The following WWOX variants were observed in gnomAD, a reference collection of about 807,000 sequenced individuals.
The protein encoded by WWOX is WW domain-containing oxidoreductase.
A neutral mutation model predicts 46.2 loss-of-function variants in WWOX; 69 were observed. The observed-to-expected ratio is 1.49, with a 90% CI of 1.23 to 1.82. WWOX has a LOEUF of 1.82. Ranked by LOEUF, WWOX falls within the 40% of genes most tolerant of loss-of-function variation. The probability of loss-of-function intolerance (pLI) is 0.00; values close to 1 mark genes in which losing one functional copy is unlikely to be tolerated. For synonymous variants in WWOX, 359 were observed against 202.6 expected (o/e 1.77, Z -6.56); for missense variants, 919 against 542.6 (o/e 1.69, Z -6.89).
At chr16:78,730,324 C>G (rs185487198) in intron 8 of WWOX, among the ~76,000 whole-genome samples, 15 of 152,140 alleles carry the variant, frequency 9.9e-5, no homozygotes, top group Admixed American at 9.2e-4. Context: ...TGCCTCCTTC[C>G]TTTTCTTCCC....
At chr16:78,179,404 A>G (rs750451329) in intron 5 of WWOX, among the ~76,000 whole-genome samples, 13 of 152,210 alleles carry the variant, frequency 8.5e-5, no homozygotes, top group Non-Finnish European at 1.5e-4. Flanking sequence ...GAGATCATCC[A>G]ACTTAACTTT....
chr16:78,258,707 CAAAAAAAAAAAAA>C (rs11396946), intron 5 of WWOX, among the ~76,000 whole-genome samples: 3 of 69,588 alleles, frequency 4.3e-5, no homozygotes, highest in African/African-American at 1.6e-4. Flanking sequence ...TTCCTCCCTC[CAAAAAAAAAAAAA>C]AAAAAAAAAA....
At chr16:78,503,620 T>G (rs2085123817) in intron 8 of WWOX, 1 of 152,304 alleles carries the variant, frequency 6.6e-6, no homozygotes, top group Admixed American at 6.5e-5. Flanking sequence ...CCATTAGAAA[T>G]AAGATTTCTT....
In WWOX at chr16:78,339,060, A is replaced by G. The variant is rs567355791; in HGVS notation, c.517-47800A>G. On this transcript the variant is annotated intron_variant, in intron 5 of 8. Coordinates refer to ENST00000566780, the MANE Select transcript of WWOX (RefSeq NM_016373.4). Reference sequence around the variant, plus strand: ...AGGTTTTTCAATAAGAAGGAAATTTAGCTTCCTTCTACTTTGGTGCCCCAT... The same window carrying G: ...AGGTTTTTCAATAAGAAGGAAATTTGGCTTCCTTCTACTTTGGTGCCCCAT... 5.8e-5 allele frequency among the ~76,000 whole-genome samples: 7 copies of G among 120,202 alleles called. 1 individual carries two copies. In the East Asian group the frequency reaches 9.7e-4, roughly 17 times the overall value. 78.9% of individuals were successfully genotyped at this position (120,202 alleles called of 152,430 possible).
At chr16:78,366,768 A>G (rs1276186135) in intron 5 of WWOX, among the ~76,000 whole-genome samples, 1 of 152,114 alleles carries the variant, frequency 6.6e-6, no homozygotes, top group Non-Finnish European at 1.5e-5. Context: ...GTTCTAGAGG[A>G]TTCGTGGTCA....
At chr16:78,191,544 T>C (rs1467626193) in intron 5 of WWOX, among the ~76,000 whole-genome samples, 2 of 152,244 alleles carry the variant, frequency 1.3e-5, no homozygotes, top group Non-Finnish European at 2.9e-5. Context: ...GTACATATTA[T>C]ATATAGCATC....
intron 4 of WWOX, among the ~76,000 whole-genome samples, chr16:78,148,481 A>C (rs1275190345): frequency 6.6e-6 from 1 of 152,114 alleles, no homozygotes; most frequent in Admixed American, 6.5e-5. Context: ...TTTAAAAGAC[A>C]CAGAGGTCTC....
intron 8 of WWOX, among the ~76,000 whole-genome samples, chr16:78,840,177 T>G (rs1005747317): frequency 1.3e-5 from 2 of 152,218 alleles, no homozygotes; most frequent in Non-Finnish European, 2.9e-5. Flanking sequence ...ACCCTCAGTG[T>G]GTACTTGTGG....
chr16:78,619,868 A>G (rs914083415), intron 8 of WWOX, among the ~76,000 whole-genome samples: 3 of 152,060 alleles, frequency 2.0e-5, no homozygotes, highest in Non-Finnish European at 4.4e-5. Flanking sequence ...GTTGTACTCC[A>G]TCTAGCCTGG....
chr16:78,651,185 C>G (rs1031366495), intron 8 of WWOX, among the ~76,000 whole-genome samples: 2 of 152,224 alleles, frequency 1.3e-5, no homozygotes, highest in Admixed American at 6.5e-5. Context: ...CAAAGTAGCA[C>G]CACTGTACAG....
At chr16:78,484,988 T>A (rs1378119176) in intron 8 of WWOX, among the ~76,000 whole-genome samples, 1 of 152,114 alleles carries the variant, frequency 6.6e-6, no homozygotes, top group Admixed American at 6.5e-5. Flanking sequence ...TGCCTTCTGA[T>A]GAGCTGACTA....
chr16:78,711,351 C>G (rs557742780), intron 8 of WWOX, among the ~76,000 whole-genome samples: 7 of 152,282 alleles, frequency 4.6e-5, no homozygotes, highest in African/African-American at 1.7e-4. Flanking sequence ...AATAGTTCTT[C>G]AAAAAATAGG....
chr16:78,879,556 A>C (rs187527951), intron 8 of WWOX, among the ~76,000 whole-genome samples: 9 of 151,978 alleles, frequency 5.9e-5, no homozygotes, highest in African/African-American at 2.2e-4. Context: ...TCTGATTTCC[A>C]TCCAAGAGGC....
chr16:78,801,583 G>C (rs895185252), intron 8 of WWOX, among the ~76,000 whole-genome samples: 1 of 152,144 alleles, frequency 6.6e-6, no homozygotes, highest in South Asian at 2.1e-4. Flanking sequence ...TGCAGCCAAA[G>C]TCCTTACTGG....
chr16:78,102,667 C>T (rs536565299), intron 1 of WWOX, among the ~76,000 whole-genome samples: 1 of 152,318 alleles, frequency 6.6e-6, no homozygotes, highest in African/African-American at 2.4e-5. Flanking sequence ...TCCCCTCGAC[C>T]TTGTACTAGT....
At chr16:78,307,065 A>G (rs1276886212) in intron 5 of WWOX, among the ~76,000 whole-genome samples, 1 of 152,070 alleles carries the variant, frequency 6.6e-6, no homozygotes, top group Non-Finnish European at 1.5e-5. Context: ...ATAACTTCCA[A>G]CTTTTTGAGC....
chr16:79,188,505 G>T (rs558012556), intron 8 of WWOX, among the ~76,000 whole-genome samples: 6 of 152,338 alleles, frequency 3.9e-5, no homozygotes, highest in African/African-American at 1.4e-4. Flanking sequence ...CATTGCCAGA[G>T]AAATCACAGA....
chr16:79,199,629 C>G (rs1046684092), intron 8 of WWOX, among the ~76,000 whole-genome samples: 1 of 152,252 alleles, frequency 6.6e-6, no homozygotes, highest in South Asian at 2.1e-4. Context: ...TCCACCTTGC[C>G]ACCTAGAACA....
rs141652118 is a variant in WWOX, at chr16:78,680,213, C to G, written c.1056+247461C>G. On this transcript the variant is annotated intron_variant, in intron 8 of 8. Transcript: ENST00000566780. ...TAGCTTGAGCCCAGGAGTTCGAGACCAGCCTGAGCAGCATAACGAGACCCG... is the reference window on the plus strand; with the variant it reads ...TAGCTTGAGCCCAGGAGTTCGAGACGAGCCTGAGCAGCATAACGAGACCCG... 6.3e-4 allele frequency among the ~76,000 whole-genome samples: 96 copies of G among 152,258 alleles called. 1 individual carries two copies. In the East Asian group the frequency reaches 0.017, roughly 27 times the overall value.
Sources: allele counts gnomAD v4.1 joint callset (sites outside exome capture counted in the v4.1 genomes callset), GRCh38; gene constraint gnomAD v4.1.1; transcripts MANE v1.5; gene names NCBI Gene and HGNC (gene_info 2026-07-23, HGNC 2026-07-21).